Variants in SND1 observed in about 807,000 individuals in gnomAD.
SND1 encodes the protein staphylococcal nuclease domain-containing protein 1.
A neutral mutation model predicts 121.7 loss-of-function variants in SND1; 38 were observed. That is an observed-to-expected ratio of 0.31 (90% confidence interval 0.24 to 0.41). SND1 has a LOEUF of 0.41. Among genes scored for constraint, SND1 ranks in the 10% least tolerant of loss-of-function variants. The pLI, the probability that SND1 is intolerant of heterozygous loss-of-function variation, is 1.00. For missense variants in SND1, 868 were observed against 1,184.6 expected, an observed-to-expected ratio of 0.73 and a Z score of 3.92; for synonymous variants, 401 against 447.4, an observed-to-expected ratio of 0.90 and a Z score of 1.31.
intron 16 of SND1, among the ~76,000 whole-genome samples, chr7:128,069,129 C>T (rs929318183): frequency 6.6e-6 from 1 of 152,218 alleles, no homozygotes; most frequent in African/African-American, 2.4e-5. Context: ...ATCCTATCAA[C>T]CCCACTTGCC....
At chr7:128,040,455 AAAAAAAAAAAAGACATGGTTTGACACCT>A (rs1792834235) in intron 16 of SND1, among the ~76,000 whole-genome samples, 2 of 149,824 alleles carry the variant, frequency 1.3e-5, no homozygotes, top group Non-Finnish European at 3.0e-5. Flanking sequence ...AAAAAAAAAA[AAAAAAAAAAAAGACATGGTTTGACACCT>A]AAAAAAAAAA....
chr7:128,011,346 T>C (rs1803113549), intron 16 of SND1, among the ~76,000 whole-genome samples: 1 of 152,172 alleles, frequency 6.6e-6, no homozygotes, highest in Admixed American at 6.5e-5. Flanking sequence ...CTTTGATGGA[T>C]TTGGTGGCTC....
At chr7:127,684,333 A>T (rs570226484) in intron 1 of SND1, among the ~76,000 whole-genome samples, 27 of 152,298 alleles carry the variant, frequency 1.8e-4, no homozygotes, top group African/African-American at 6.5e-4. Flanking sequence ...ACCAAAATTG[A>T]GCAGCAAGCA....
intron 16 of SND1, among the ~76,000 whole-genome samples, chr7:128,016,169 G>C (rs548853043): frequency 4.5e-4 from 60 of 134,458 alleles, no homozygotes; most frequent in African/African-American, 1.6e-3. Flanking sequence ...TTTTTTAAGA[G>C]ACAGAGTCTT....
At chr7:127,677,621 C>T (rs916300322) in intron 1 of SND1, among the ~76,000 whole-genome samples, 7 of 152,182 alleles carry the variant, frequency 4.6e-5, no homozygotes, top group African/African-American at 1.7e-4. Context: ...TGGTCTCTGT[C>T]GCAACTACTC....
At chr7:127,786,770 TGTA>T (rs1797820743) in intron 10 of SND1, among the ~76,000 whole-genome samples, 2 of 151,874 alleles carry the variant, frequency 1.3e-5, no homozygotes, top group African/African-American at 4.8e-5. Flanking sequence ...CAGCCTCCCG[TGTA>T]GCTGGGACTA....
intron 1 of SND1, among the ~76,000 whole-genome samples, chr7:127,668,374 C>G (rs6943385): frequency 0.19 from 29,456 of 152,018 alleles, 3,040 homozygotes; most frequent in African/African-American, 0.26. Flanking sequence ...ATTGCCCTGC[C>G]GTATGAACAC....
intron 12 of SND1, among the ~76,000 whole-genome samples, chr7:127,875,497 G>A (rs1019223189): frequency 6.6e-6 from 1 of 152,132 alleles, no homozygotes; most frequent in Non-Finnish European, 1.5e-5. Flanking sequence ...AGGGTCAGAG[G>A]TATGAGGGTA....
chr7:127,771,909 C>A (rs542806644), intron 10 of SND1, among the ~76,000 whole-genome samples: 1 of 152,170 alleles, frequency 6.6e-6, no homozygotes, highest in East Asian at 1.9e-4. Flanking sequence ...GTTTCGCTTC[C>A]GGCTGGGCCA....
chr7:127,675,025 A>T (rs1358769440), intron 1 of SND1, among the ~76,000 whole-genome samples: 1 of 152,184 alleles, frequency 6.6e-6, no homozygotes, highest in East Asian at 1.9e-4. Flanking sequence ...ACATAGTGAA[A>T]TCCCATTTCT....
intron 13 of SND1, among the ~76,000 whole-genome samples, chr7:127,895,562 G>C (rs1584648548): frequency 6.6e-6 from 1 of 152,212 alleles, no homozygotes; most frequent in South Asian, 2.1e-4. Flanking sequence ...TTCAGCACGT[G>C]TCATTATGTG....
Position 127,759,522 on chromosome 7 carries a change from C to T in SND1, c.1152+38122C>T, listed in dbSNP as rs568972131. On this transcript the variant is annotated intron_variant, in intron 10 of 23. Coordinates refer to ENST00000354725, the MANE Select transcript of SND1 (RefSeq NM_014390.4). The stretch of plus-strand genomic sequence containing the variant: ...AGTTTAAACTATCTCCAGGTCAGCC[C>T]TAGAGTCAGCCATTTTGCCAAGGAA... 2.0e-4 allele frequency among the ~76,000 whole-genome samples: 30 copies of T among 152,190 alleles called. No individual in the cohort carries two copies. The Middle Eastern group carries it at 0.01, about 52-fold the overall frequency.
chr7:127,915,952 A>G (rs1462188497), intron 14 of SND1, among the ~76,000 whole-genome samples: 11 of 152,046 alleles, frequency 7.2e-5, no homozygotes, highest in Admixed American at 7.2e-4. Flanking sequence ...TCTGAAGAAC[A>G]GTGAGAAATC....
At chr7:128,076,067 G>T (rs565766451) in intron 17 of SND1, among the ~76,000 whole-genome samples, 3 of 152,194 alleles carry the variant, frequency 2.0e-5, no homozygotes, top group Non-Finnish European at 2.9e-5. Flanking sequence ...AAGCATCTTC[G>T]TCCTTGCCCT....
chr7:127,917,557 C>A (rs1800610049), intron 14 of SND1, among the ~76,000 whole-genome samples: 2 of 152,108 alleles, frequency 1.3e-5, no homozygotes, highest in Admixed American at 1.3e-4. Flanking sequence ...CACTACCACA[C>A]CTGGCTAATT....
intron 16 of SND1, among the ~76,000 whole-genome samples, chr7:128,018,249 G>A (rs1803270444): frequency 6.6e-6 from 1 of 152,152 alleles, no homozygotes; most frequent in Admixed American, 6.5e-5. Context: ...AAAGGTCATC[G>A]GAGCTGTATG....
chr7:127,768,275 A>T (rs1285343816), intron 10 of SND1, among the ~76,000 whole-genome samples: 3 of 152,168 alleles, frequency 2.0e-5, no homozygotes. Context: ...TCATTCTCAA[A>T]GGTCCTTATA....
At chr7:128,063,281 G>A (rs998322047) in intron 16 of SND1, among the ~76,000 whole-genome samples, 2 of 152,206 alleles carry the variant, frequency 1.3e-5, no homozygotes, top group Non-Finnish European at 2.9e-5. Flanking sequence ...AACAGAGGAG[G>A]CCATCCTCAC....
intron 16 of SND1, among the ~76,000 whole-genome samples, chr7:128,067,954 G>A (rs1370488252): frequency 8.6e-5 from 13 of 151,980 alleles, no homozygotes; most frequent in East Asian, 5.8e-4. Context: ...CAGTGCCCTC[G>A]GCTCCCTTAT....
Sources: allele counts gnomAD v4.1 joint callset (sites outside exome capture counted in the v4.1 genomes callset), GRCh38; gene constraint gnomAD v4.1.1; transcripts MANE v1.5; gene names NCBI Gene and HGNC (gene_info 2026-07-23, HGNC 2026-07-21).